Variants in TESMIN observed in about 807,000 individuals in gnomAD.
TESMIN encodes the protein CXC domain containing 2.
Under a neutral mutation model 47.4 loss-of-function variants are expected in TESMIN, and 34 were observed. The observed-to-expected ratio is 0.72, with a 90% CI of 0.55 to 0.96. TESMIN has a LOEUF of 0.96. Ranked by LOEUF, TESMIN falls within the 40% of genes least tolerant of loss-of-function variation. TESMIN has a pLI of 0.00. For missense variants in TESMIN, 610 were observed against 637.2 expected, an observed-to-expected ratio of 0.96 and a Z score of 0.46; for synonymous variants, 278 against 258.9, an observed-to-expected ratio of 1.07 and a Z score of -0.71.
At chr11:68,719,222 C>T (rs148738701) in intron 6 of TESMIN, among the ~76,000 whole-genome samples, 83 of 152,254 alleles carry the variant, frequency 5.5e-4, no homozygotes, top group African/African-American at 1.7e-3. Context: ...TTGAGAAGAC[C>T]GTTACACAAC....
chr11:68,736,360 C>G, intron 6 of TESMIN: 4 of 985,494 alleles, frequency 4.1e-6, no homozygotes, highest in Non-Finnish European at 4.8e-6. Flanking sequence ...TCAGCTCGCA[C>G]ACTCAGCCTG....
rs747850077 is a variant in TESMIN at position 68,745,097 on chromosome 11, C to G, written c.645G>C (p.Leu215Phe). ...TACATAGCATTTGTGTGCCCCCTTT[C>G]AATTGGCATATCACCTAAAATGAAA... ...KDSNPMVICQ[L>F]KGGTQMLCID... The change falls in exon 4 of 10, where the codon TTG becomes TTC. Residue 215 changes from leucine (L) to phenylalanine (F), a missense_variant. By Grantham distance (22) the Leu-to-Phe change is conservative. Coordinates refer to ENST00000255087, the MANE Select transcript of TESMIN (RefSeq NM_004923.3). 6.3e-7 allele frequency: 1 copy of G among 1,577,378 alleles called. No individual in the cohort carries two copies. Among genetic ancestry groups the G allele is most frequent in the East Asian group, 2.3e-5 (1 of 43,040 alleles).
At chr11:68,729,720 G>T (rs1342117641) in intron 6 of TESMIN, among the ~76,000 whole-genome samples, 2 of 152,202 alleles carry the variant, frequency 1.3e-5, no homozygotes, top group Non-Finnish European at 2.9e-5. Context: ...CAGATGAGCA[G>T]AGAAAGCAGT....
intron 5 of TESMIN, among the ~76,000 whole-genome samples, chr11:68,739,096 G>A (rs1946427173): frequency 1.3e-5 from 2 of 152,156 alleles, no homozygotes; most frequent in African/African-American, 4.8e-5. Context: ...TATTGTCATG[G>A]AACTCCTTTT....
intron 4 of TESMIN, among the ~76,000 whole-genome samples, chr11:68,743,304 T>G (rs935888217): frequency 6.6e-6 from 1 of 150,810 alleles, no homozygotes; most frequent in South Asian, 2.1e-4. Context: ...AGTAGTGCGA[T>G]GTTGGCTCAC....
chr11:68,717,126 G>A (rs1393705777), intron 6 of TESMIN, among the ~76,000 whole-genome samples: 1 of 152,156 alleles, frequency 6.6e-6, no homozygotes, highest in Non-Finnish European at 1.5e-5. Flanking sequence ...ACCTCTCTGG[G>A]GCAGAATTCC....
In TESMIN at chr11:68,745,113, T is replaced by A; in HGVS notation, c.631-2A>T. Reference sequence around the variant, plus strand: ...GCCCCCTTTCAATTGGCATATCACCTAAAATGAAAAAGAACAATCAGGTTT... The same window carrying A: ...GCCCCCTTTCAATTGGCATATCACCAAAAATGAAAAAGAACAATCAGGTTT... On this transcript the variant is annotated splice_acceptor_variant, in intron 3 of 9. Transcript: ENST00000255087. LOFTEE classifies it high-confidence loss of function. 1 of 1,574,992 alleles carries A rather than the reference T, an allele frequency of 6.3e-7. No homozygotes were observed. Among genetic ancestry groups the A allele is most frequent in the Non-Finnish European group, 8.5e-7 (1 of 1,170,136 alleles).
chr11:68,716,232 G>A (rs1318783810), intron 6 of TESMIN, among the ~76,000 whole-genome samples: 1 of 152,130 alleles, frequency 6.6e-6, no homozygotes, highest in Non-Finnish European at 1.5e-5. Context: ...AATCCTCCCT[G>A]GCCCCTAATT....
At chr11:68,711,397 G>A (rs955729361) in intron 8 of TESMIN, among the ~76,000 whole-genome samples, 1 of 150,130 alleles carries the variant, frequency 6.7e-6, no homozygotes, top group Non-Finnish European at 1.5e-5. Context: ...GTGAGTGAAT[G>A]TGAATGTGTG....
rs71993839 is a variant in TESMIN at position 68,745,300 on chromosome 11, CA to C, written c.631-190del. Among the ~76,000 whole-genome samples the C allele has an allele frequency of 6.3e-3, 455 of 72,496 alleles. 1 individual carries two copies. The highest frequency in any genetic ancestry group is 0.014 in the African/African-American group (289 of 20,024). 47.6% of individuals were successfully genotyped at this position (72,496 alleles called of 152,430 possible). ...CATGCTCTTTGGAGACACCAAAGGG[CA>C]AAAAAAAAAAAAAAAAAAAGAAAAA... On this transcript the variant is annotated intron_variant, in intron 3 of 9. Coordinates refer to ENST00000255087, the MANE Select transcript of TESMIN (RefSeq NM_004923.3).
intron 7 of TESMIN, among the ~76,000 whole-genome samples, chr11:68,713,815 A>G (rs1327913124): frequency 1.3e-5 from 2 of 152,124 alleles, no homozygotes; most frequent in Non-Finnish European, 2.9e-5. Flanking sequence ...ACCATGTGCC[A>G]GGCTTCTTTC....
intron 2 of TESMIN, among the ~76,000 whole-genome samples, chr11:68,747,804 G>C (rs1946540475): frequency 1.3e-5 from 2 of 152,108 alleles, no homozygotes; most frequent in South Asian, 4.1e-4. Context: ...GTAGGGAGTG[G>C]CTGCCAGCTT....
At chr11:68,747,447 C>A in intron 2 of TESMIN, 81 bp from the exon 3 acceptor site, 1 of 1,264,498 alleles carries the variant, frequency 7.9e-7, no homozygotes, top group Non-Finnish European at 1.1e-6. Context: ...AAATTGAAAT[C>A]TCAGTGATAA....
chr11:68,749,647 G>C (rs527670629), intron 2 of TESMIN, among the ~76,000 whole-genome samples: 2 of 152,148 alleles, frequency 1.3e-5, no homozygotes, highest in African/African-American at 4.8e-5. Flanking sequence ...TGCTTGAAGA[G>C]CTATTACTCA....
chr11:68,724,416 A>G (rs1433746293), intron 6 of TESMIN, among the ~76,000 whole-genome samples: 1 of 152,234 alleles, frequency 6.6e-6, no homozygotes, highest in Non-Finnish European at 1.5e-5. Flanking sequence ...GTAGCAGAGA[A>G]GCCAGTCAGT....
At position 68,750,199 on chromosome 11, in the gene TESMIN, G is replaced by A; in HGVS notation, c.462C>T (p.Arg154=). The A allele has an allele frequency of 1.3e-6, 2 of 1,487,734 alleles. No individual in the cohort carries two copies. Among genetic ancestry groups the A allele is most frequent in the Non-Finnish European group, 1.8e-6 (2 of 1,131,146 alleles). 92.2% of individuals were successfully genotyped at this position (1,487,734 alleles called of 1,614,324 possible). A position where few individuals can be genotyped will look rare whatever the true frequency, so the allele number is the denominator to read the frequency against. Residue 154 remains arginine, a synonymous_variant, in exon 2 of 10, where the codon CGC becomes CGT. Coordinates refer to ENST00000255087, the MANE Select transcript of TESMIN (RefSeq NM_004923.3). ...VLEGASHPGV[R]MIPVEIKEAG... ...CCCAGGCGGTTCTTACTGGGATCAT[G>A]CGGACGCCCGGGTGGGAGGCTCCTT...
chr11:68,707,819 A>C lies in TESMIN; in HGVS notation c.*489T>G, dbSNP rs1224799099. 2.2e-6 allele frequency: 1 copy of C among 456,024 alleles called. No homozygotes were observed. Among genetic ancestry groups the C allele is most frequent in the African/African-American group, 2.0e-5 (1 of 50,096 alleles). 28.2% of individuals were successfully genotyped at this position (456,024 alleles called of 1,614,324 possible). A position where few individuals can be genotyped will look rare whatever the true frequency, so the allele number is the denominator to read the frequency against. ...GTTCAGTAGTTCTCTAGAGATTTTA[A>C]GTGGTATCACAACAGCCCATCCGGA... On this transcript the variant is annotated 3_prime_UTR_variant, in exon 10 of 10. Transcript: ENST00000255087.
At chr11:68,747,946 T>A (rs1946542113) in intron 2 of TESMIN, among the ~76,000 whole-genome samples, 1 of 152,158 alleles carries the variant, frequency 6.6e-6, no homozygotes, top group African/African-American at 2.4e-5. Flanking sequence ...TAAAAAAAAA[T>A]TACAATCAGG....
chr11:68,714,428 C>A (rs1016514450), intron 7 of TESMIN, among the ~76,000 whole-genome samples: 2 of 152,182 alleles, frequency 1.3e-5, no homozygotes, highest in Non-Finnish European at 2.9e-5. Context: ...GACAGGCGGC[C>A]CCACAGGTTG....
Sources: gnomAD v4.1 joint callset for allele counts (sites outside exome capture counted in the v4.1 genomes callset) on GRCh38, gnomAD v4.1.1 for gene constraint, MANE v1.5 for transcripts, NCBI Gene and HGNC (gene_info 2026-07-23, HGNC 2026-07-21) for gene names.